TPRG1: variants seen among roughly 807,000 people sequenced by gnomAD.
TPRG1 encodes the protein tumor protein p63-regulated gene 1 protein.
A neutral mutation model predicts 29.3 loss-of-function variants in TPRG1; 29 were observed. The observed-to-expected ratio is 0.99, with a 90% CI of 0.74 to 1.35. The LOEUF (loss-of-function observed/expected upper bound fraction) is 1.35. Ranked by LOEUF, TPRG1 falls within the 40% of genes most tolerant of loss-of-function variation. TPRG1 has a pLI of 0.00. For missense variants in TPRG1, 327 were observed against 335.0 expected (o/e 0.98, Z 0.19); for synonymous variants, 130 against 116.8 (o/e 1.11, Z -0.73).
chr3:189,015,197 G>A (rs1484837101), intron 3 of TPRG1, among the ~76,000 whole-genome samples: 1 of 152,146 alleles, frequency 6.6e-6, no homozygotes, highest in Non-Finnish European at 1.5e-5. Flanking sequence ...AAAGACTGGT[G>A]GCATTGTGCC....
rs1467139191 is a variant in TPRG1 at position 189,323,057 on chromosome 3, G to A, written c.*2237G>A. The A allele has an allele frequency of 6.6e-6, 1 of 152,062 alleles. No homozygotes were observed. 9.4% of individuals were successfully genotyped at this position (152,062 alleles called of 1,614,324 possible). The stretch of plus-strand genomic sequence containing the variant: ...AGAAGATTTAGGAATTTGGATAGCA[G>A]TTCAAGATAAGAAAGAACTTCTTAT... On this transcript the variant is annotated 3_prime_UTR_variant, in exon 6 of 6. Coordinates refer to ENST00000345063, the MANE Select transcript of TPRG1 (RefSeq NM_198485.4).
At chr3:189,137,848 G>A (rs553761716) in intron 3 of TPRG1, among the ~76,000 whole-genome samples, 33 of 152,130 alleles carry the variant, frequency 2.2e-4, no homozygotes, top group Middle Eastern at 3.4e-3. Context: ...CTTTTCCTGC[G>A]CTATGATGAG....
At chr3:189,257,356 G>T (rs1712088977) in intron 4 of TPRG1, among the ~76,000 whole-genome samples, 1 of 152,180 alleles carries the variant, frequency 6.6e-6, no homozygotes, top group Admixed American at 6.5e-5. Flanking sequence ...GGCTTGTAGG[G>T]TCTCTGCAGA....
chr3:189,272,892 A>C (rs1715474566), intron 4 of TPRG1, among the ~76,000 whole-genome samples: 1 of 152,118 alleles, frequency 6.6e-6, no homozygotes, highest in African/African-American at 2.4e-5. Flanking sequence ...GTGGTGCTAG[A>C]GACTCTTCTA....
chr3:189,103,607 G>T (rs1470831720), intron 1 of TPRG1, among the ~76,000 whole-genome samples: 1 of 152,134 alleles, frequency 6.6e-6, no homozygotes, highest in East Asian at 1.9e-4. Context: ...CTAACATGGT[G>T]ACAGACTATT....
At chr3:189,071,547 A>G (rs982767324) in intron 4 of TPRG1, among the ~76,000 whole-genome samples, 16 of 152,184 alleles carry the variant, frequency 1.1e-4, no homozygotes, top group Non-Finnish European at 7.4e-5. Context: ...ACACAGACAC[A>G]CACACATGCA....
Position 188,997,577 on chromosome 3 carries a change from T to C in TPRG1, c.-1015-3197T>C, listed in dbSNP as rs548085302. ...TACTGGAACATGAGAATTTCAGCTT[T>C]AAAACCAGGATAGTTCTAGATAAAC... On this transcript the variant is annotated intron_variant, in intron 1 of 10. Coordinates refer to the TPRG1 transcript ENST00000433971. Among the ~76,000 whole-genome samples, 5 of 152,326 alleles carry C rather than the reference T, an allele frequency of 3.3e-5. No homozygotes were observed. In the East Asian group the frequency reaches 9.6e-4, roughly 29 times the overall value.
chr3:189,053,071 ATAAC>A (rs1209359983), intron 4 of TPRG1, among the ~76,000 whole-genome samples: 1 of 152,200 alleles, frequency 6.6e-6, no homozygotes, highest in African/African-American at 2.4e-5. Flanking sequence ...CTGTATCCCA[ATAAC>A]TTACAGAAAA....
At chr3:189,250,515 C>T (rs529876811) in intron 4 of TPRG1, among the ~76,000 whole-genome samples, 5 of 106,742 alleles carry the variant, frequency 4.7e-5, no homozygotes, top group East Asian at 3.4e-4. Flanking sequence ...CCCCCCCCCC[C>T]CCACCCAGAT....
intron 5 of TPRG1, among the ~76,000 whole-genome samples, chr3:189,166,636 G>A (rs16864045): frequency 0.071 from 10,781 of 152,150 alleles, 426 homozygotes; most frequent in East Asian, 0.18. Context: ...GTGTCTCAGC[G>A]TTTCAAAAGC....
chr3:189,189,265 A>G lies in TPRG1; in HGVS notation c.-10+17134A>G, dbSNP rs549769533. 7.9e-5 allele frequency among the ~76,000 whole-genome samples: 12 copies of G among 152,186 alleles called. No individual in the cohort carries two copies. The South Asian group carries it at 8.3e-4, about 11-fold the overall frequency. ...TTTTTGTAAAAACTACGATCATGCTATGTCCTTTTTATAGCTTGATTTAAA... is the reference window on the plus strand; with the variant it reads ...TTTTTGTAAAAACTACGATCATGCTGTGTCCTTTTTATAGCTTGATTTAAA... On this transcript the variant is annotated intron_variant, in intron 1 of 5. Coordinates refer to ENST00000345063, the MANE Select transcript of TPRG1 (RefSeq NM_198485.4).
At chr3:189,140,970 A>C (rs1724469232) in intron 3 of TPRG1, among the ~76,000 whole-genome samples, 1 of 152,206 alleles carries the variant, frequency 6.6e-6, no homozygotes, top group Non-Finnish European at 1.5e-5. Context: ...GTGATGAGTA[A>C]GGATTTGCCT....
chr3:189,131,636 A>AGAT (rs1002685460), intron 2 of TPRG1, among the ~76,000 whole-genome samples: 2 of 152,226 alleles, frequency 1.3e-5, no homozygotes, highest in African/African-American at 2.4e-5. Context: ...GCCAAAATGC[A>AGAT]GATACACAGT....
At chr3:189,175,472 G>T (rs1729364306) in intron 1 of TPRG1, among the ~76,000 whole-genome samples, 1 of 152,220 alleles carries the variant, frequency 6.6e-6, no homozygotes, top group Non-Finnish European at 1.5e-5. Flanking sequence ...CAGGGTTTCA[G>T]ATCAGGCACA....
At chr3:189,226,640 GA>G (rs1205376574) in intron 3 of TPRG1, among the ~76,000 whole-genome samples, 2 of 151,220 alleles carry the variant, frequency 1.3e-5, no homozygotes, top group Non-Finnish European at 2.9e-5. Context: ...GCAAAGAAAT[GA>G]AAAGTGAGTA....
intron 1 of TPRG1, among the ~76,000 whole-genome samples, chr3:189,179,289 A>G (rs1729902623): frequency 6.6e-6 from 1 of 152,180 alleles, no homozygotes; most frequent in African/African-American, 2.4e-5. Context: ...AGGCATGGAC[A>G]TATTATTTTG....
chr3:189,011,585 T>C (rs1712605095), intron 3 of TPRG1, among the ~76,000 whole-genome samples: 1 of 152,162 alleles, frequency 6.6e-6, no homozygotes, highest in Non-Finnish European at 1.5e-5. Context: ...GCAACTCCCA[T>C]TTTTAAAACT....
intron 4 of TPRG1, among the ~76,000 whole-genome samples, chr3:189,049,826 T>C (rs189529179): frequency 2.0e-5 from 3 of 152,300 alleles, no homozygotes; most frequent in Admixed American, 2.0e-4. Context: ...CACAGGACAC[T>C]GTGCAGACAA....
chr3:189,131,324 T>C (rs1022789164), intron 2 of TPRG1, among the ~76,000 whole-genome samples: 11 of 152,318 alleles, frequency 7.2e-5, no homozygotes, highest in African/African-American at 2.6e-4. Flanking sequence ...GTTGGAATTA[T>C]ATATAAATAT....
Sources: gnomAD v4.1 joint callset for allele counts (sites outside exome capture counted in the v4.1 genomes callset) on GRCh38, gnomAD v4.1.1 for gene constraint, MANE v1.5 for transcripts, NCBI Gene and HGNC (gene_info 2026-07-23, HGNC 2026-07-21) for gene names.